The following PITPNC1 variants were observed in gnomAD, a reference collection of about 807,000 sequenced individuals.
PITPNC1 encodes the protein cytoplasmic phosphatidylinositol transfer protein 1.
PITPNC1 carries 18 observed loss-of-function variants against 44.7 expected under a neutral mutation model. The observed-to-expected ratio is 0.40, with a 90% CI of 0.28 to 0.60. PITPNC1 has a LOEUF of 0.60. Among genes scored for constraint, PITPNC1 ranks in the 20% least tolerant of loss-of-function variants. The pLI, the probability that PITPNC1 is intolerant of heterozygous loss-of-function variation, is 0.39. For missense variants in PITPNC1, 290 were observed against 418.4 expected (o/e 0.69, Z 2.68); for synonymous variants, 141 against 149.6 (o/e 0.94, Z 0.42).
intron 1 of PITPNC1, among the ~76,000 whole-genome samples, chr17:67,518,787 T>G (rs796485134): frequency 2.6e-5 from 4 of 152,250 alleles, no homozygotes; most frequent in African/African-American, 9.6e-5. Context: ...CTCTACAATT[T>G]TTTAAATTAC....
intron 8 of PITPNC1, among the ~76,000 whole-genome samples, chr17:67,686,511 G>A (rs566350664): frequency 1.3e-4 from 20 of 152,060 alleles, no homozygotes; most frequent in African/African-American, 2.7e-4. Flanking sequence ...ACTCTCTGAC[G>A]CCATGCATTC....
intron 6 of PITPNC1, among the ~76,000 whole-genome samples, chr17:67,636,240 C>CT (rs374861445): frequency 1.1e-3 from 167 of 146,562 alleles, no homozygotes; most frequent in African/African-American, 4.0e-3. Flanking sequence ...CGAGATTGCG[C>CT]TACTGCACTC....
chr17:67,632,525 A>G (rs2041983736), intron 6 of PITPNC1: 4 of 330,910 alleles, frequency 1.2e-5, no homozygotes, highest in Middle Eastern at 1.6e-3. Context: ...CATCCAACAC[A>G]CTGGCCTTGC....
chr17:67,678,844 T>G (rs967140862), intron 8 of PITPNC1, among the ~76,000 whole-genome samples: 1 of 151,974 alleles, frequency 6.6e-6, no homozygotes, highest in South Asian at 2.1e-4. Context: ...TCAGTGAGAC[T>G]CTCATGGAAA....
At chr17:67,425,193 G>GCGCGCGCGCGCGCGCGCCCACACACA (rs1160522771) in intron 1 of PITPNC1, among the ~76,000 whole-genome samples, 1 of 52,118 alleles carries the variant, frequency 1.9e-5, no homozygotes, top group African/African-American at 1.0e-4. Context: ...TTGTGCGCGC[G>GCGCGCGCGCGCGCGCGCCCACACACA]CACGCACACG....
intron 5 of PITPNC1, among the ~76,000 whole-genome samples, chr17:67,589,663 G>A (rs2041365147): frequency 6.6e-6 from 1 of 151,544 alleles, no homozygotes; most frequent in African/African-American, 2.4e-5. Flanking sequence ...ACAAGTATTG[G>A]GTACAGGATA....
At position 67,692,952 on chromosome 17, in the gene PITPNC1, T is replaced by A; in HGVS notation, c.*64T>A. 11 of 1,052,182 alleles carry A rather than the reference T, an allele frequency of 1.0e-5. No homozygotes were observed. The South Asian group carries it at 1.7e-4, about 16-fold the overall frequency. 65.2% of individuals were successfully genotyped at this position (1,052,182 alleles called of 1,614,324 possible). The stretch of plus-strand genomic sequence containing the variant: ...TGTTGTTGTTGTTTTTTTTTAAGAA[T>A]CTTCTGATAGAGAAAAAGACTGCTT... On this transcript the variant is annotated 3_prime_UTR_variant, in exon 9 of 9. Transcript: ENST00000581322.
chr17:67,485,846 T>C (rs2039771295), intron 1 of PITPNC1, among the ~76,000 whole-genome samples: 1 of 152,296 alleles, frequency 6.6e-6, no homozygotes, highest in Admixed American at 6.5e-5. Flanking sequence ...GAAGGCTGTC[T>C]TCTGGGGGCG....
At chr17:67,381,743 C>T (rs1185891140) in intron 1 of PITPNC1, among the ~76,000 whole-genome samples, 9 of 152,212 alleles carry the variant, frequency 5.9e-5, no homozygotes, top group Admixed American at 2.6e-4. Flanking sequence ...TGAGCCACCG[C>T]GCCCGGCCTA....
intron 5 of PITPNC1, among the ~76,000 whole-genome samples, chr17:67,610,847 A>C (rs530458366): frequency 6.9e-6 from 1 of 145,904 alleles, no homozygotes; most frequent in Middle Eastern, 3.6e-3. Flanking sequence ...TTTGAACCCG[A>C]GGGGCGGAGG....
chr17:67,476,777 G>A lies in PITPNC1; in HGVS notation c.49-56025G>A, dbSNP rs562956802. ...TGGCATTACAGGTGTGAGCCACTGT[G>A]CCTGGCCAGATATATGGATTAACGG... On this transcript the variant is annotated intron_variant, in intron 1 of 8. Coordinates refer to ENST00000581322, the MANE Select transcript of PITPNC1 (RefSeq NM_012417.4). Among the ~76,000 whole-genome samples the A allele has an allele frequency of 1.8e-4, 27 of 152,122 alleles. 1 individual carries two copies. In the East Asian group the frequency reaches 5.2e-3, roughly 29 times the overall value.
intron 1 of PITPNC1, among the ~76,000 whole-genome samples, chr17:67,446,815 CG>C (rs986834412): frequency 6.6e-6 from 1 of 151,696 alleles, no homozygotes; most frequent in Non-Finnish European, 1.5e-5. Flanking sequence ...GTTGGCCAGG[CG>C]TGGTGGCTCA....
chr17:67,490,667 G>A (rs1389126127), intron 1 of PITPNC1, among the ~76,000 whole-genome samples: 2 of 152,106 alleles, frequency 1.3e-5, no homozygotes, highest in African/African-American at 2.4e-5. Context: ...AAAAGGATAC[G>A]AAATAAAAAT....
chr17:67,400,593 G>GC (rs1167621357), intron 1 of PITPNC1, among the ~76,000 whole-genome samples: 1 of 152,012 alleles, frequency 6.6e-6, no homozygotes, highest in Non-Finnish European at 1.5e-5. Context: ...CTGATTTCCT[G>GC]TAGTAACACA....
intron 2 of PITPNC1, among the ~76,000 whole-genome samples, chr17:67,543,427 C>T (rs2040635281): frequency 6.6e-6 from 1 of 152,196 alleles, no homozygotes; most frequent in Non-Finnish European, 1.5e-5. Flanking sequence ...TTTTATATTC[C>T]CACCAGGAAT....
intron 6 of PITPNC1, among the ~76,000 whole-genome samples, chr17:67,651,506 C>A (rs2042209356): frequency 6.9e-6 from 1 of 145,422 alleles, no homozygotes; most frequent in Non-Finnish European, 1.5e-5. Context: ...GAATGAGACT[C>A]CGTCTAAAAA....
intron 6 of PITPNC1, among the ~76,000 whole-genome samples, chr17:67,646,494 C>A (rs1310369621): frequency 6.6e-6 from 1 of 152,200 alleles, no homozygotes; most frequent in Non-Finnish European, 1.5e-5. Flanking sequence ...AATTGCTAAA[C>A]CTGGTTTTAG....
intron 1 of PITPNC1, among the ~76,000 whole-genome samples, chr17:67,521,026 G>T (rs1168712504): frequency 1.3e-5 from 2 of 152,176 alleles, no homozygotes; most frequent in African/African-American, 4.8e-5. Flanking sequence ...ACTCTTACTT[G>T]CATAGACTAT....
At chr17:67,439,418 C>A (rs2038981495) in intron 1 of PITPNC1, among the ~76,000 whole-genome samples, 1 of 152,166 alleles carries the variant, frequency 6.6e-6, no homozygotes, top group South Asian at 2.1e-4. Flanking sequence ...CCTCCAGCTG[C>A]CAGTGACAAC....
Sources: gnomAD v4.1 joint callset for allele counts (sites outside exome capture counted in the v4.1 genomes callset) on GRCh38, gnomAD v4.1.1 for gene constraint, MANE v1.5 for transcripts, NCBI Gene and HGNC (gene_info 2026-07-23, HGNC 2026-07-21) for gene names.